The following LARP4B variants were observed in gnomAD, a reference collection of about 807,000 sequenced individuals.
LARP4B encodes la-related protein 4B.
In LARP4B, 12 loss-of-function variants were observed where a neutral mutation model predicts 89.8. The ratio of observed to expected loss-of-function variants is 0.13; its 90% confidence interval spans 0.09 to 0.22. LARP4B has a LOEUF of 0.22. LARP4B is among the 10% of genes least tolerant of loss of function. LARP4B has a pLI of 1.00. For synonymous variants in LARP4B, 367 were observed against 363.3 expected (o/e 1.01, Z -0.12); for missense variants, 757 against 947.7 (o/e 0.80, Z 2.64).
intron 9 of LARP4B, among the ~76,000 whole-genome samples, chr10:830,655 A>G (rs974546413): frequency 1.3e-5 from 2 of 152,240 alleles, no homozygotes; most frequent in African/African-American, 2.4e-5. Context: ...TTGTCCTTAG[A>G]AAGTAAAATC....
chr10:876,888 CCCCA>C (rs1835476072), intron 3 of LARP4B, among the ~76,000 whole-genome samples: 1 of 152,110 alleles, frequency 6.6e-6, no homozygotes, highest in African/African-American at 2.4e-5. Context: ...GTGGAGGCTG[CCCCA>C]CAGCTCTAGC....
At chr10:957,392 C>G in the LARP4B span, among the ~76,000 whole-genome samples, 1 of 152,130 alleles carries the variant, frequency 6.6e-6, no homozygotes, top group Non-Finnish European at 1.5e-5. Context: ...TCTCAAACTC[C>G]TGACCTCAAG....
chr10:838,804 T>C (rs976386501), intron 7 of LARP4B, among the ~76,000 whole-genome samples: 1 of 152,208 alleles, frequency 6.6e-6, no homozygotes, highest in East Asian at 1.9e-4. Context: ...ACACAAAATC[T>C]GCATACAGAT....
intron 3 of LARP4B, among the ~76,000 whole-genome samples, chr10:874,520 T>C (rs1420567105): frequency 1.3e-5 from 2 of 152,258 alleles, no homozygotes; most frequent in Non-Finnish European, 2.9e-5. Flanking sequence ...TCATGTACTA[T>C]GTGGTCCAGT....
the LARP4B span, among the ~76,000 whole-genome samples, chr10:955,196 T>C: frequency 6.6e-6 from 1 of 152,176 alleles, no homozygotes; most frequent in Admixed American, 6.6e-5. The surrounding 1 kb of genome is among the most constrained non-coding windows in gnomAD (Gnocchi z 5.2). Context: ...TCCCTCCCTC[T>C]TCACCCCAGG....
chr10:928,539 A>G (rs895261391), intron 1 of LARP4B, among the ~76,000 whole-genome samples: 9 of 152,170 alleles, frequency 5.9e-5, no homozygotes, highest in African/African-American at 2.2e-4. Context: ...ACCTGAAGGC[A>G]CTGTTCATTG....
chr10:865,980 G>A (rs1363104598), intron 3 of LARP4B, among the ~76,000 whole-genome samples: 1 of 152,212 alleles, frequency 6.6e-6, no homozygotes. Context: ...ACCATGAGCC[G>A]TCAAATAAAC....
At chr10:948,204 G>A in the LARP4B span, among the ~76,000 whole-genome samples, 144 of 152,234 alleles carry the variant, frequency 9.5e-4, no homozygotes, top group African/African-American at 3.3e-3. Flanking sequence ...ACGCTGCCTG[G>A]TTTTTAAAAT....
At chr10:809,464 T>C (rs1831661351), downstream of LARP4B, 1 of 152,172 alleles carries the variant, frequency 6.6e-6, no homozygotes. Context: ...CATGCACTTA[T>C]GGGAACAGAC....
intron 5 of LARP4B, among the ~76,000 whole-genome samples, chr10:861,209 G>A (rs1376813533): frequency 6.6e-6 from 1 of 152,178 alleles, no homozygotes; most frequent in Non-Finnish European, 1.5e-5. Context: ...GGCACAGGAA[G>A]CTCTTCCTGG....
intron 7 of LARP4B, among the ~76,000 whole-genome samples, 182 bp from the exon 8 acceptor site, chr10:836,688 A>G (rs1020533129): frequency 3.3e-5 from 5 of 152,244 alleles, no homozygotes. Context: ...AAAATCCTGC[A>G]GGAGCCATAA....
At chr10:971,130 T>A in the LARP4B span, 1 of 152,218 alleles carries the variant, frequency 6.6e-6, no homozygotes, top group East Asian at 1.9e-4. Context: ...TGGAACAGAA[T>A]TTTTTCCTCC....
intron 2 of LARP4B, 49 bp downstream of exon 2, chr10:885,592 T>C: frequency 2.1e-6 from 3 of 1,416,664 alleles, no homozygotes; most frequent in South Asian, 2.4e-5. Context: ...TAGAGTCCTT[T>C]ATCAAAAAAA....
intron 1 of LARP4B, among the ~76,000 whole-genome samples, chr10:924,670 C>T (rs1441258117): frequency 6.6e-6 from 1 of 152,234 alleles, no homozygotes; most frequent in Non-Finnish European, 1.5e-5. Flanking sequence ...AGGTAATTCT[C>T]TCTGCTGACC....
chr10:857,853 T>C (rs570875132), intron 5 of LARP4B, among the ~76,000 whole-genome samples: 6 of 152,290 alleles, frequency 3.9e-5, no homozygotes, highest in East Asian at 1.9e-4. Flanking sequence ...TAAATGTCAA[T>C]GGCCAAAAGA....
chr10:837,110 C>G (rs116248914), intron 7 of LARP4B, among the ~76,000 whole-genome samples: 4,988 of 152,260 alleles, frequency 0.033, 130 homozygotes, highest in Middle Eastern at 0.065. Context: ...GTTCTATCAA[C>G]AGGAAAAAGA....
intron 3 of LARP4B, among the ~76,000 whole-genome samples, chr10:874,234 C>CAAAAAAAACAAAACAAAACA (rs60052105): frequency 1.3e-5 from 2 of 151,900 alleles, no homozygotes; most frequent in African/African-American, 4.8e-5. Context: ...GACTCCATCT[C>CAAAAAAAACAAAACAAAACA]AAACAAAACA....
intron 1 of LARP4B, among the ~76,000 whole-genome samples, chr10:929,092 A>G (rs754855271): frequency 6.6e-6 from 1 of 152,210 alleles, no homozygotes; most frequent in Non-Finnish European, 1.5e-5. Context: ...CTACTCTTCT[A>G]CAGAATAGTA....
chr10:918,953 C>A (rs1014214681), intron 1 of LARP4B, among the ~76,000 whole-genome samples: 1 of 150,730 alleles, frequency 6.6e-6, no homozygotes, highest in South Asian at 2.1e-4. Flanking sequence ...TGGTGGCGGG[C>A]GCCTGTAGTC....
Sources: gnomAD v4.1 joint callset for allele counts (sites outside exome capture counted in the v4.1 genomes callset) on GRCh38, gnomAD v4.1.1 for gene constraint, Gnocchi (gnomAD v3.1) non-coding constraint, MANE v1.5 for transcripts, NCBI Gene and HGNC (gene_info 2026-07-23, HGNC 2026-07-21) for gene names.